DNAJC8: variants seen among roughly 807,000 people sequenced by gnomAD.
The protein encoded by DNAJC8 is DnaJ heat shock protein family (Hsp40) member C8.
Under a neutral mutation model 43.2 loss-of-function variants are expected in DNAJC8, and 24 were observed. The ratio of observed to expected loss-of-function variants is 0.56; its 90% CI spans 0.40 to 0.78. The LOEUF (loss-of-function observed/expected upper bound fraction) is 0.78, where lower values mean the gene tolerates loss of function less well. Ranked by LOEUF, DNAJC8 falls within the 30% of genes least tolerant of loss-of-function variation. The probability of loss-of-function intolerance (pLI) is 0.00; values close to 1 mark genes in which losing one functional copy is unlikely to be tolerated. For synonymous variants in DNAJC8, 83 were observed against 98.0 expected, an observed-to-expected ratio of 0.85 and a Z score of 0.90; for missense variants, 207 against 299.4, an observed-to-expected ratio of 0.69 and a Z score of 2.28.
chr1:28,204,753 A>C (rs944816147), intron 7 of DNAJC8, among the ~76,000 whole-genome samples: 1 of 152,142 alleles, frequency 6.6e-6, no homozygotes, highest in African/African-American at 2.4e-5. Context: ...GGCAGCATGC[A>C]GTGGCTCATG....
intron 2 of DNAJC8, among the ~76,000 whole-genome samples, chr1:28,228,348 C>CAAAAA (rs78440134): frequency 2.7e-5 from 2 of 74,774 alleles, no homozygotes; most frequent in African/African-American, 4.8e-5. Context: ...GACTCCGTCT[C>CAAAAA]AAAAAAAAAA....
intron 2 of DNAJC8, among the ~76,000 whole-genome samples, chr1:28,216,523 G>A (rs1282419183): frequency 6.6e-6 from 1 of 152,172 alleles, no homozygotes; most frequent in African/African-American, 2.4e-5. Context: ...CATGCCAAAT[G>A]TAATTCATAA....
chr1:28,210,201 TA>T (rs542187072), intron 4 of DNAJC8, 135 bp from the exon 5 acceptor site: 21 of 738,144 alleles, frequency 2.8e-5, no homozygotes, highest in Middle Eastern at 2.4e-4. Flanking sequence ...TAAACTAAGT[TA>T]AAAAAAACAT....
chr1:28,217,165 T>A lies in DNAJC8; in HGVS notation c.181-2169A>T, dbSNP rs527978041. Among the ~76,000 whole-genome samples the A allele has an allele frequency of 2.0e-5, 3 of 151,114 alleles. No individual in the cohort carries two copies. In the South Asian group the frequency reaches 6.3e-4, roughly 32 times the overall value. On this transcript the variant is annotated intron_variant, in intron 2 of 8. Coordinates refer to ENST00000263697, the MANE Select transcript of DNAJC8 (RefSeq NM_014280.3). ...TTTTTTTTTTGAGACAGTGTCTTAC[T>A]TTATTACCCAGGCTGGAGTGCAGTG... is the stretch of plus-strand genomic sequence containing the variant.
intron 1 of DNAJC8, 100 bp downstream of exon 1, chr1:28,232,821 C>G: frequency 7.8e-7 from 1 of 1,289,124 alleles, no homozygotes; most frequent in Non-Finnish European, 1.1e-6. Flanking sequence ...CTGAAGGAAT[C>G]GCCCAACGGT....
chr1:28,203,649 C>A, intron 8 of DNAJC8, 98 bp downstream of exon 8: 1 of 1,190,068 alleles, frequency 8.4e-7, no homozygotes, highest in African/African-American at 1.5e-5. Context: ...CCCACATATC[C>A]CACTCCCCTC....
rs1557703748 is a variant in DNAJC8 at position 28,200,709 on chromosome 1, A to G, written c.*539T>C. The G allele has an allele frequency of 6.6e-6, 3 of 454,458 alleles. No individual in the cohort carries two copies. Among genetic ancestry groups the G allele is most frequent in the South Asian group, 4.7e-5 (3 of 64,466 alleles). The allele number at this position is 454,458 out of a possible 1,614,324, so 28.2% of individuals were successfully genotyped here. On this transcript the variant is annotated 3_prime_UTR_variant, in exon 9 of 9. Transcript: ENST00000263697. ...ATGCCACACTGATTGGTCAGTAGAC[A>G]GGGGGCACATGCCAAACACCACAGG...
chr1:28,200,436 A>G lies in DNAJC8; in HGVS notation c.*812T>C, dbSNP rs1461505332. 3 of 454,532 alleles carry G rather than the reference A, an allele frequency of 6.6e-6. No homozygotes were observed. Among genetic ancestry groups the G allele is most frequent in the South Asian group, 3.1e-5 (2 of 64,336 alleles). 28.2% of individuals were successfully genotyped at this position (454,532 alleles called of 1,614,324 possible). ...AGCTGCTGCAGTAATTCATATTCCC[A>G]TTTCATAGATGAAGAAACTAAGGTT... On this transcript the variant is annotated 3_prime_UTR_variant, in exon 9 of 9. Transcript: ENST00000263697.
chr1:28,216,957 C>T (rs1182652262), intron 2 of DNAJC8, among the ~76,000 whole-genome samples: 9 of 151,448 alleles, frequency 5.9e-5, no homozygotes, highest in African/African-American at 2.2e-4. Flanking sequence ...TACAGGCATG[C>T]GCCACCACGC....
intron 7 of DNAJC8, among the ~76,000 whole-genome samples, chr1:28,204,109 GT>G (rs1646754190): frequency 6.6e-6 from 1 of 152,192 alleles, no homozygotes; most frequent in South Asian, 2.1e-4. Context: ...GGCTCTTTCA[GT>G]GACAAAGCTA....
chr1:28,223,088 G>A (rs911353282), intron 2 of DNAJC8, among the ~76,000 whole-genome samples: 1 of 152,162 alleles, frequency 6.6e-6, no homozygotes, highest in Non-Finnish European at 1.5e-5. Flanking sequence ...AGCCAAGCAT[G>A]GGGTATGGAA....
chr1:28,212,164 AATAAATATATATATATATATATAT>A (rs1408603298), intron 3 of DNAJC8, among the ~76,000 whole-genome samples: 5 of 30,570 alleles, frequency 1.6e-4, no homozygotes, highest in Admixed American at 1.1e-3. Context: ...TCAATAAATA[AATAAATATATATATATATATATAT>A]ATATATATAT....
chr1:28,219,761 T>A (rs1190216058), intron 2 of DNAJC8, among the ~76,000 whole-genome samples: 1 of 13,448 alleles, frequency 7.4e-5, no homozygotes, highest in Non-Finnish European at 1.2e-4. Context: ...CACTTCAACC[T>A]CCGCCTCCTG....
chr1:28,210,435 C>A, intron 4 of DNAJC8, 136 bp downstream of exon 4: 1 of 725,792 alleles, frequency 1.4e-6, no homozygotes, highest in Non-Finnish European at 2.3e-6. Flanking sequence ...GAAATGGCAA[C>A]TGCTCTACTG....
chr1:28,217,550 G>C (rs1009724596), intron 2 of DNAJC8, among the ~76,000 whole-genome samples: 2 of 152,084 alleles, frequency 1.3e-5, no homozygotes, highest in Admixed American at 6.6e-5. Context: ...AAGGAGAAAG[G>C]AATTGGGAAA....
At chr1:28,202,727 C>T (rs1335345432) in intron 8 of DNAJC8, among the ~76,000 whole-genome samples, 4 of 151,308 alleles carry the variant, frequency 2.6e-5, no homozygotes, top group African/African-American at 7.3e-5. Flanking sequence ...ACTACAGGTG[C>T]CAGCCACCAC....
intron 2 of DNAJC8, among the ~76,000 whole-genome samples, chr1:28,217,100 G>A (rs1237872697): frequency 6.6e-6 from 1 of 151,538 alleles, no homozygotes; most frequent in Admixed American, 6.6e-5. Flanking sequence ...GAGCCACCGC[G>A]CCTGGCCTTA....
chr1:28,209,749 T>C (rs897489198), intron 5 of DNAJC8, among the ~76,000 whole-genome samples: 1 of 151,522 alleles, frequency 6.6e-6, no homozygotes, highest in Admixed American at 6.6e-5. Context: ...GGGAAAGAGG[T>C]AGGAGCAGTG....
chr1:28,228,125 T>C (rs888347613), intron 2 of DNAJC8, among the ~76,000 whole-genome samples: 6 of 151,294 alleles, frequency 4.0e-5, no homozygotes, highest in Admixed American at 4.0e-4. Context: ...CTGAGGCGGG[T>C]GGATCACAAG....
Sources: gnomAD v4.1 joint callset for allele counts (sites outside exome capture counted in the v4.1 genomes callset) on GRCh38, gnomAD v4.1.1 for gene constraint, MANE v1.5 for transcripts, NCBI Gene and HGNC (gene_info 2026-07-23, HGNC 2026-07-21) for gene names.